ANO4: variants seen among roughly 807,000 people sequenced by gnomAD.
The protein encoded by ANO4 is anoctamin-4.
A neutral mutation model predicts 141.9 loss-of-function variants in ANO4; 69 were observed. The ratio of observed to expected loss-of-function variants is 0.49; its 90% CI spans 0.40 to 0.59. The LOEUF is 0.59. Among genes scored for constraint, ANO4 ranks in the 20% least tolerant of loss-of-function variants. ANO4 has a pLI of 0.00. For missense variants in ANO4, 894 were observed against 1,162.2 expected, an observed-to-expected ratio of 0.77 and a Z score of 3.36; for synonymous variants, 350 against 394.3, an observed-to-expected ratio of 0.89 and a Z score of 1.33.
Position 100,826,360 on chromosome 12 carries a change from A to G in ANO4, c.-141+31333A>G, listed in dbSNP as rs552488446. ...ACTAAGCTTATTCTTTTGATGTGAT[A>G]TAATAGTGATTTGATGGATGCAGCT... is the stretch of plus-strand genomic sequence containing the variant. On this transcript the variant is annotated intron_variant, in intron 1 of 27. Transcript: ENST00000392977. Among the ~76,000 whole-genome samples the G allele has an allele frequency of 2.6e-5, 4 of 152,224 alleles. No individual in the cohort carries two copies. The South Asian group carries it at 8.3e-4, about 32-fold the overall frequency.
intron 1 of ANO4, among the ~76,000 whole-genome samples, chr12:100,834,717 A>G (rs767699178): frequency 3.5e-4 from 53 of 152,160 alleles, no homozygotes; most frequent in Non-Finnish European, 6.0e-4. Context: ...AAAAGATGAC[A>G]TGGCAGGGCA....
intron 3 of ANO4, among the ~76,000 whole-genome samples, chr12:100,929,117 T>C (rs2041989881): frequency 6.6e-6 from 1 of 152,156 alleles, no homozygotes; most frequent in South Asian, 2.1e-4. Context: ...TTTCTTTGTG[T>C]TACAAACAAT....
intron 1 of ANO4, among the ~76,000 whole-genome samples, chr12:100,848,037 T>C (rs2037665014): frequency 6.6e-6 from 1 of 152,226 alleles, no homozygotes; most frequent in South Asian, 2.1e-4. Context: ...AATGTTAAAT[T>C]GTACTGTCTG....
chr12:100,741,622 A>G (rs1304697688), intron 3 of ANO4, among the ~76,000 whole-genome samples: 1 of 152,168 alleles, frequency 6.6e-6, no homozygotes, highest in Non-Finnish European at 1.5e-5. Context: ...GCACTGGGGA[A>G]CATTTGCATA....
At chr12:101,031,010 A>G (rs1175271539) in intron 9 of ANO4, among the ~76,000 whole-genome samples, 1 of 152,208 alleles carries the variant, frequency 6.6e-6, no homozygotes, top group African/African-American at 2.4e-5. Flanking sequence ...AGAGGTACAA[A>G]GAGAAGCTGG....
intron 3 of ANO4, among the ~76,000 whole-genome samples, chr12:100,775,528 G>A (rs1018446640): frequency 2.6e-5 from 4 of 152,158 alleles, no homozygotes; most frequent in African/African-American, 9.6e-5. Flanking sequence ...CTACATCTAC[G>A]CTTTATAATT....
At chr12:101,052,406 A>G (rs2047910497) in intron 14 of ANO4, among the ~76,000 whole-genome samples, 1 of 152,156 alleles carries the variant, frequency 6.6e-6, no homozygotes, top group African/African-American at 2.4e-5. Context: ...GTCATCAGGG[A>G]ACTAGATGTT....
At chr12:100,865,938 T>C (rs1016220214) in intron 1 of ANO4, among the ~76,000 whole-genome samples, 1 of 152,114 alleles carries the variant, frequency 6.6e-6, no homozygotes, top group African/African-American at 2.4e-5. Flanking sequence ...TGTGGATGAT[T>C]TCATAGGAAA....
At chr12:100,769,053 G>T (rs530404231) in intron 3 of ANO4, among the ~76,000 whole-genome samples, 2 of 152,044 alleles carry the variant, frequency 1.3e-5, no homozygotes, top group African/African-American at 4.8e-5. Context: ...TTGAAACCAG[G>T]AAACAACCAA....
intron 1 of ANO4, among the ~76,000 whole-genome samples, chr12:100,837,618 A>G (rs1214339760): frequency 6.6e-6 from 1 of 151,874 alleles, no homozygotes; most frequent in African/African-American, 2.4e-5. Flanking sequence ...TGTTAAAACA[A>G]ATTAAATAAA....
chr12:100,886,715 A>G (rs1216938154), intron 1 of ANO4, among the ~76,000 whole-genome samples: 1 of 152,114 alleles, frequency 6.6e-6, no homozygotes, highest in East Asian at 1.9e-4. Flanking sequence ...TCGTTTATGT[A>G]TTGTCTGTGG....
chr12:100,817,092 A>G (rs1420040488), intron 1 of ANO4, among the ~76,000 whole-genome samples: 1 of 151,920 alleles, frequency 6.6e-6, no homozygotes, highest in East Asian at 1.9e-4. Context: ...TTTTGTAGGA[A>G]TGTGGGAAGA....
chr12:100,774,122 A>G (rs1276883338), intron 3 of ANO4, among the ~76,000 whole-genome samples: 2 of 152,158 alleles, frequency 1.3e-5, no homozygotes, highest in Non-Finnish European at 2.9e-5. Flanking sequence ...AAATTTGCCA[A>G]CTCCTGTTCT....
At chr12:100,836,492 TC>T (rs1023170998) in intron 1 of ANO4, among the ~76,000 whole-genome samples, 4 of 73,630 alleles carry the variant, frequency 5.4e-5, no homozygotes, top group Admixed American at 1.6e-4. Flanking sequence ...CCCTCCCCCC[TC>T]CCCCCATCCC....
intron 1 of ANO4, among the ~76,000 whole-genome samples, chr12:100,863,409 T>C (rs2135898151): frequency 6.6e-6 from 1 of 152,300 alleles, no homozygotes; most frequent in Middle Eastern, 3.4e-3. Flanking sequence ...AATACTCAGC[T>C]CAAGTGTTAA....
At chr12:100,797,168 A>G (rs2034385896) in intron 1 of ANO4, among the ~76,000 whole-genome samples, 1 of 152,070 alleles carries the variant, frequency 6.6e-6, no homozygotes, top group Non-Finnish European at 1.5e-5. Flanking sequence ...AAGCGTGTAC[A>G]CAAATGTACT....
chr12:100,857,520 A>C (rs1222746163), intron 1 of ANO4, among the ~76,000 whole-genome samples: 1 of 152,138 alleles, frequency 6.6e-6, no homozygotes, highest in Non-Finnish European at 1.5e-5. Context: ...CACTAACTCC[A>C]ATGCAAACCC....
In ANO4 at chr12:101,065,652, A is replaced by G. The variant is rs11110641; in HGVS notation, c.1313-13541A>G. 4.7e-3 allele frequency among the ~76,000 whole-genome samples: 718 copies of G among 152,278 alleles called. 7 individuals carry two copies. Among genetic ancestry groups the G allele is most frequent in the African/African-American group, 0.016 (673 of 41,570 alleles). On this transcript the variant is annotated intron_variant, in intron 14 of 27. Coordinates refer to ENST00000392977, the MANE Select transcript of ANO4 (RefSeq NM_001286615.2). ...TCAGTAAAGAAAAGCCCAGGACCCA[A>G]TTGCTTCACTGCTGAATTCTACCAA...
At chr12:100,817,748 A>C (rs192088617) in intron 1 of ANO4, among the ~76,000 whole-genome samples, 24 of 152,070 alleles carry the variant, frequency 1.6e-4, no homozygotes, top group African/African-American at 5.3e-4. Flanking sequence ...TGGTCAGTGG[A>C]AAAAGATGGT....
Sources: allele counts gnomAD v4.1 joint callset (sites outside exome capture counted in the v4.1 genomes callset), GRCh38; gene constraint gnomAD v4.1.1; transcripts MANE v1.5; gene names NCBI Gene and HGNC (gene_info 2026-07-23, HGNC 2026-07-21).